SHC3: variants seen among roughly 807,000 people sequenced by gnomAD.
SHC3 encodes SHC adaptor protein 3, also known as SHC-transforming protein 3.
A neutral mutation model predicts 60.4 loss-of-function variants in SHC3; 15 were observed. The observed-to-expected ratio is 0.25, with a 90% CI of 0.17 to 0.38. The LOEUF (loss-of-function observed/expected upper bound fraction) is 0.38. Among genes scored for constraint, SHC3 ranks in the 10% least tolerant of loss-of-function variants. The pLI, the probability that SHC3 is intolerant of heterozygous loss-of-function variation, is 1.00. For missense variants in SHC3, 677 were observed against 786.1 expected (o/e 0.86, Z 1.66); for synonymous variants, 294 against 325.9 (o/e 0.90, Z 1.05).
At chr9:89,151,420 GA>G (rs138888276) in intron 1 of SHC3, among the ~76,000 whole-genome samples, 8,746 of 152,240 alleles carry the variant, frequency 0.057, 328 homozygotes, top group Middle Eastern at 0.12. Context: ...CCTCATAAAA[GA>G]GGTTGAAGGG....
chr9:89,016,320 G>T (rs577900967), intron 11 of SHC3, among the ~76,000 whole-genome samples: 1 of 152,176 alleles, frequency 6.6e-6, no homozygotes, highest in East Asian at 1.9e-4. Flanking sequence ...TTTGCATTTG[G>T]TTTACAATAT....
rs139247368 is a variant in SHC3, at chr9:89,178,203, C to G, written c.258G>C (p.Ser86=). 1.5e-5 allele frequency: 21 copies of G among 1,415,384 alleles called. No homozygotes were observed. The highest frequency in any genetic ancestry group is 1.9e-5 in the Non-Finnish European group (21 of 1,083,266). The allele number at this position is 1,415,384 out of a possible 1,614,324, so 87.7% of individuals were successfully genotyped here. The part of the protein sequence containing the change: ...LSSSGLRGLS[S]AARERAGARL... ...GCGCGCCCGCCCGCTCCCGGGCGGC[C>G]GACGACAGGCCGCGGAGGCCCGAGC... Residue 86 remains serine (S), a synonymous_variant, in exon 1 of 12, where the codon TCG becomes TCC. Coordinates refer to ENST00000375835, the MANE Select transcript of SHC3 (RefSeq NM_016848.6). This position sits in a 1 kb window ranked among gnomAD's most constrained non-coding sequence, Gnocchi z 6.9.
At chr9:89,113,658 C>T (rs1825982175) in intron 1 of SHC3, among the ~76,000 whole-genome samples, 1 of 152,144 alleles carries the variant, frequency 6.6e-6, no homozygotes, top group African/African-American at 2.4e-5. Context: ...ACTATTGTCA[C>T]TAAGATATGT....
At position 89,075,128 on chromosome 9, in the gene SHC3, C is replaced by T. The variant is rs763004278; in HGVS notation, c.710G>A (p.Arg237Gln). The stretch of plus-strand genomic sequence containing the variant: ...ATGTACCTGTTTGGAGTCCGGAGTT[C>T]GCAGGTTCAGACTGGCCGTGGAGAT... The part of the protein sequence containing the change: ...LTISTASLNL[R>Q]TPDSKQIIAN... Residue 237 changes from arginine (R) to glutamine (Q), a missense_variant, in exon 4 of 12, where the codon CGA (arginine) becomes CAA (glutamine). Arg to Gln is a conservative substitution (Grantham distance 43). Coordinates refer to ENST00000375835, the MANE Select transcript of SHC3 (RefSeq NM_016848.6). The T allele has an allele frequency of 1.4e-5, 23 of 1,613,820 alleles. 1 individual carries two copies. In the South Asian group the frequency reaches 1.5e-4, roughly 11 times the overall value.
intron 1 of SHC3, among the ~76,000 whole-genome samples, chr9:89,164,336 T>C (rs1826754008): frequency 6.6e-6 from 1 of 152,114 alleles, no homozygotes; most frequent in African/African-American, 2.4e-5. Context: ...ACTGTTTGCT[T>C]ATGTGAGCTG....
intron 11 of SHC3, among the ~76,000 whole-genome samples, chr9:89,030,835 T>C (rs924049660): frequency 1.3e-5 from 2 of 152,354 alleles, no homozygotes; most frequent in South Asian, 4.1e-4. Context: ...AAGATATTTG[T>C]CTGTGGAATA....
intron 9 of SHC3, among the ~76,000 whole-genome samples, chr9:89,043,952 C>A (rs1272668715): frequency 6.6e-6 from 1 of 152,154 alleles, no homozygotes; most frequent in Non-Finnish European, 1.5e-5. Context: ...CCATGCCCTG[C>A]CTATTTATTG....
rs570017949 is a variant in SHC3, at chr9:89,100,665, C to T, written c.545+11891G>A. The stretch of plus-strand genomic sequence containing the variant: ...ACTTTTCCCCACCTCCAGATCCTAG[C>T]GACCTGTGATCTAATTTCTTTCTCT... On this transcript the variant is annotated intron_variant, in intron 2 of 11. Coordinates refer to ENST00000375835, the MANE Select transcript of SHC3 (RefSeq NM_016848.6). Among the ~76,000 whole-genome samples, 173 of 152,276 alleles carry T rather than the reference C, an allele frequency of 1.1e-3. 1 individual carries two copies. Among genetic ancestry groups the T allele is most frequent in the South Asian group, 1.9e-3 (9 of 4,820 alleles).
chr9:89,077,832 G>T lies in SHC3; in HGVS notation c.609+8C>A. Reference sequence around the variant, plus strand: ...ACACAGTTAGACACAGAGCATTGAGGACAGTACCTTTCTCTTCTTGAAGGC... The same window carrying T: ...ACACAGTTAGACACAGAGCATTGAGTACAGTACCTTTCTCTTCTTGAAGGC... On this transcript the variant is annotated splice_region_variant and intron_variant, in intron 3 of 11. Coordinates refer to ENST00000375835, the MANE Select transcript of SHC3 (RefSeq NM_016848.6). 3 of 1,614,166 alleles carry T rather than the reference G, an allele frequency of 1.9e-6. No homozygotes were observed. Among genetic ancestry groups the T allele is most frequent in the Non-Finnish European group, 2.5e-6 (3 of 1,179,998 alleles).
chr9:89,033,718 A>C (rs920171611), intron 11 of SHC3, among the ~76,000 whole-genome samples: 21 of 152,236 alleles, frequency 1.4e-4, no homozygotes, highest in South Asian at 4.1e-4. Flanking sequence ...AACTAGCCAC[A>C]TAATGAAGAA....
At chr9:89,134,155 T>C (rs118003769) in intron 1 of SHC3, among the ~76,000 whole-genome samples, 1,627 of 152,246 alleles carry the variant, frequency 0.011, 14 homozygotes, top group South Asian at 0.034. Context: ...AAGAAACAGT[T>C]CTACAATATG....
At position 89,109,578 on chromosome 9, in the gene SHC3, G is replaced by C. The variant is rs564925187; in HGVS notation, c.545+2978C>G. The C allele has an allele frequency of 2.2e-4, 214 of 985,520 alleles. 5 individuals carry two copies. The South Asian group carries it at 8.5e-3, about 39-fold the overall frequency. The allele number at this position is 985,520 out of a possible 1,614,324, so 61.0% of individuals were successfully genotyped here. On this transcript the variant is annotated intron_variant, in intron 2 of 11. Coordinates refer to ENST00000375835, the MANE Select transcript of SHC3 (RefSeq NM_016848.6). ...AAGCCTTCCAAGTGAACTCTTAGAA[G>C]AGAAGAGAGGGTGGACGCAGTTGCG...
Position 89,006,987 on chromosome 9 carries a change from G to C in SHC3, c.*6460C>G, listed in dbSNP as rs527481614. The stretch of plus-strand genomic sequence containing the variant: ...CAGCTCCCCATGTGCATGTTTTTCT[G>C]TCTGCAGTATTTCAAGGTGAGACAA... On this transcript the variant is annotated 3_prime_UTR_variant, in exon 12 of 12. Coordinates refer to ENST00000375835, the MANE Select transcript of SHC3 (RefSeq NM_016848.6). The C allele has an allele frequency of 1.3e-5, 2 of 152,338 alleles. No individual in the cohort carries two copies. The highest frequency in any genetic ancestry group is 1.9e-4 in the East Asian group (1 of 5,192). The allele number at this position is 152,338 out of a possible 1,614,324, so 9.4% of individuals were successfully genotyped here. A position where few individuals can be genotyped will look rare whatever the true frequency, so the allele number is the denominator to read the frequency against.
chr9:89,146,521 A>G (rs536276059), intron 1 of SHC3, among the ~76,000 whole-genome samples: 14 of 152,208 alleles, frequency 9.2e-5, no homozygotes, highest in Non-Finnish European at 2.1e-4. Context: ...TTAGGTCTAA[A>G]TAAGTGCTGT....
At chr9:89,072,725 AG>A (rs1328202844) in intron 4 of SHC3, among the ~76,000 whole-genome samples, 2 of 152,204 alleles carry the variant, frequency 1.3e-5, no homozygotes, top group African/African-American at 2.4e-5. Context: ...GGGTGAGAAC[AG>A]AGCTCATCTC....
intron 7 of SHC3, among the ~76,000 whole-genome samples, chr9:89,049,389 T>C (rs534404978): frequency 3.2e-4 from 49 of 152,352 alleles, no homozygotes; most frequent in African/African-American, 1.2e-3. Flanking sequence ...CAAAAGTCCT[T>C]CAAACTTCAC....
intron 11 of SHC3, among the ~76,000 whole-genome samples, chr9:89,017,111 T>C (rs1354371798): frequency 6.6e-6 from 1 of 152,226 alleles, no homozygotes. Flanking sequence ...CCCATCAAGC[T>C]ACCATTGACT....
At chr9:89,028,868 T>C (rs1824421412) in intron 11 of SHC3, among the ~76,000 whole-genome samples, 1 of 147,700 alleles carries the variant, frequency 6.8e-6, no homozygotes, top group African/African-American at 2.5e-5. Flanking sequence ...ATATATAGAT[T>C]AGATATATAT....
At chr9:89,053,633 T>G (rs1824899334) in intron 6 of SHC3, among the ~76,000 whole-genome samples, 1 of 152,220 alleles carries the variant, frequency 6.6e-6, no homozygotes, top group Non-Finnish European at 1.5e-5. Context: ...ATGCAACCCC[T>G]TGGATACGGC....
Sources: gnomAD v4.1 joint callset for allele counts (sites outside exome capture counted in the v4.1 genomes callset) on GRCh38, gnomAD v4.1.1 for gene constraint, Gnocchi (gnomAD v3.1) non-coding constraint, MANE v1.5 for transcripts, NCBI Gene and HGNC (gene_info 2026-07-23, HGNC 2026-07-21) for gene names.